Variants in CHI3L2 observed in about 807,000 individuals in gnomAD.
CHI3L2 encodes the protein chitinase 3 like 2, also known as chitinase-3-like protein 2.
CHI3L2 carries 47 observed loss-of-function variants against 47.3 expected under a neutral mutation model. The observed-to-expected ratio is 0.99, with a 90% CI of 0.79 to 1.27. The LOEUF (loss-of-function observed/expected upper bound fraction) is 1.27. Among genes scored for constraint, CHI3L2 ranks in the 50% most tolerant of loss-of-function variants. The pLI, the probability that CHI3L2 is intolerant of heterozygous loss-of-function variation, is 0.00. For missense variants in CHI3L2, 497 were observed against 462.1 expected, an observed-to-expected ratio of 1.08 and a Z score of -0.69; for synonymous variants, 198 against 169.9, an observed-to-expected ratio of 1.17 and a Z score of -1.28.
intron 1 of CHI3L2, among the ~76,000 whole-genome samples, chr1:111,228,883 G>T (rs968286771): frequency 3.3e-5 from 5 of 152,176 alleles, no homozygotes; most frequent in Admixed American, 6.5e-5. Context: ...CCTTTAGGAG[G>T]ATGTGTTAAG....
chr1:111,227,700 T>C (rs1465402802), upstream of CHI3L2: 4 of 1,612,868 alleles, frequency 2.5e-6, no homozygotes, highest in Non-Finnish European at 3.4e-6. Flanking sequence ...ACCTAGAGAA[T>C]GTGTATCCCA....
rs1049884526 is a variant in CHI3L2, at chr1:111,234,965, C to G, written c.388C>G (p.Leu130Val). 5.0e-6 allele frequency: 8 copies of G among 1,614,118 alleles called. No homozygotes were observed. Among genetic ancestry groups the G allele is most frequent in the Non-Finnish European group, 6.8e-6 (8 of 1,179,986 alleles). ...CTTGGAATTCATTAACTCCATAATC[C>G]TGTTTCTGAGGAACCATAACTTTGA... ...SRLEFINSII[L>V]FLRNHNFDGL... The change falls in exon 5 of 11, where the codon CTG (leucine) becomes GTG (valine). Residue 130 changes from leucine to valine, a missense_variant. Leu to Val is a conservative substitution (Grantham distance 32). Transcript: ENST00000369748.
chr1:111,240,964 C>T (rs139035500), intron 8 of CHI3L2, among the ~76,000 whole-genome samples: 125 of 152,314 alleles, frequency 8.2e-4, no homozygotes, highest in African/African-American at 2.8e-3. Flanking sequence ...TCATTTGATC[C>T]TAACAACAAC....
Position 111,241,377 on chromosome 1 carries a change from G to A in CHI3L2, c.969G>A (p.Gln323=). ...GAKITRLQDQ[Q]VPYAVKGNQW... ...AGATCACGCGGCTCCAGGATCAGCA[G>A]GTTCCCTACGCAGTCAAGGGGAACC... is the stretch of plus-strand genomic sequence containing the variant. The change falls in exon 9 of 11, where the codon CAG becomes CAA. Residue 323 remains glutamine, a synonymous_variant. Transcript: ENST00000369748. The A allele has an allele frequency of 4.3e-6, 7 of 1,610,392 alleles. No homozygotes were observed. The highest frequency in any genetic ancestry group is 5.9e-6 in the Non-Finnish European group (7 of 1,176,518).
intron 4 of CHI3L2, among the ~76,000 whole-genome samples, chr1:111,233,130 C>T (rs562141163): frequency 6.6e-6 from 1 of 152,264 alleles, no homozygotes; most frequent in East Asian, 1.9e-4. Flanking sequence ...TATTGGTGCC[C>T]TTGGTGTGGG....
intron 1 of CHI3L2, among the ~76,000 whole-genome samples, chr1:111,228,487 C>T (rs529446818): frequency 1.6e-4 from 24 of 152,350 alleles, no homozygotes; most frequent in African/African-American, 5.3e-4. Flanking sequence ...TGACCCTTGA[C>T]AGGGTAGAGC....
chr1:111,233,272 G>C (rs887733938), intron 4 of CHI3L2, among the ~76,000 whole-genome samples: 3 of 152,122 alleles, frequency 2.0e-5, no homozygotes, highest in Non-Finnish European at 4.4e-5. Context: ...TTGTGGCCGG[G>C]ATGCTTGTTT....
intron 4 of CHI3L2, among the ~76,000 whole-genome samples, chr1:111,234,188 T>TAA (rs553835455): frequency 0.15 from 11,704 of 77,692 alleles, 738 homozygotes; most frequent in East Asian, 0.42. Flanking sequence ...GAATGATCAA[T>TAA]AAAAAAAAAA....
intron 6 of CHI3L2, 76 bp downstream of exon 6, chr1:111,235,839 CG>C (rs1659869684): frequency 6.3e-7 from 1 of 1,581,566 alleles, no homozygotes; most frequent in Non-Finnish European, 8.6e-7. Flanking sequence ...GCATGTTTGA[CG>C]GATGAGGGGA....
chr1:111,229,135 T>TGG (rs1260304192), intron 1 of CHI3L2, among the ~76,000 whole-genome samples: 1 of 152,184 alleles, frequency 6.6e-6, no homozygotes, highest in Non-Finnish European at 1.5e-5. Context: ...AGGGTCTCAT[T>TGG]GGACAATAAA....
intron 4 of CHI3L2, chr1:111,231,546 T>C: frequency 2.7e-6 from 1 of 367,526 alleles, no homozygotes; most frequent in South Asian, 8.1e-5. Flanking sequence ...CCATGAACAA[T>C]ATTCAGAAAA....
At position 111,229,862 on chromosome 1, in the gene CHI3L2, C is replaced by A; in HGVS notation, c.51C>A (p.Val17=). 6.2e-7 allele frequency: 1 copy of A among 1,613,836 alleles called. No individual in the cohort carries two copies. The highest frequency in any genetic ancestry group is 8.5e-7 in the Non-Finnish European group (1 of 1,179,892). The change falls in exon 2 of 11, where the codon GTC becomes GTA. Residue 17 remains valine (V), a synonymous_variant. Transcript: ENST00000369748. ...DQKSLWAGVV[V]LLLLQGGSAY... is the part of the protein sequence containing the mutation. ...ACCCATCTATTGCAGGTGTAGTGGT[C>A]TTGCTGCTTCTCCAGGGAGGTAAGT...
chr1:111,239,433 A>G (rs190473114), intron 8 of CHI3L2: 1 of 152,736 alleles, frequency 6.5e-6, no homozygotes, highest in Admixed American at 6.5e-5. Context: ...ATTCAAAACT[A>G]TCAGCATAAA....
chr1:111,227,768 A>C lies in CHI3L2; in HGVS notation c.39A>C (p.Ala13=), dbSNP rs764064300. The change falls in exon 1 of 11, where the codon GCA becomes GCC. Residue 13 remains alanine, a splice_region_variant and synonymous_variant. Transcript: ENST00000369748. The part of the protein sequence containing the change: ...ATTMDQKSLW[A]GVVVLLLLQG... ...CCATGGACCAGAAGTCTCTCTGGGC[A>C]GGTGAGCATGGGGTTGATAATTCAG... The C allele has an allele frequency of 6.2e-7, 1 of 1,614,152 alleles. No homozygotes were observed. Among genetic ancestry groups the C allele is most frequent in the South Asian group, 1.1e-5 (1 of 91,080 alleles).
rs761452430 is a variant in CHI3L2, at chr1:111,242,185, C to T, written c.1036-42C>T. The T allele has an allele frequency of 1.9e-6, 3 of 1,613,180 alleles. No homozygotes were observed. The Admixed American group carries it at 5.0e-5, about 27-fold the overall frequency. On this transcript the variant is annotated intron_variant, in intron 9 of 10. Transcript: ENST00000369748. ...TGATATGGTCCTGGGCATTTAGGGGCCACCCTTCGAATCTCTGTGTATCCT... is the reference window on the plus strand; with the variant it reads ...TGATATGGTCCTGGGCATTTAGGGGTCACCCTTCGAATCTCTGTGTATCCT...
At chr1:111,231,012 C>T in intron 3 of CHI3L2, 69 bp downstream of exon 3, 1 of 1,187,468 alleles carries the variant, frequency 8.4e-7, no homozygotes. Flanking sequence ...TAAGCTGACA[C>T]TAAGACATAC....
chr1:111,229,741 A>AAG, intron 1 of CHI3L2, 111 bp from the exon 2 acceptor site: 1 of 1,456,210 alleles, frequency 6.9e-7, no homozygotes. Flanking sequence ...AGCCCAGATG[A>AAG]AGTGTGGCTC....
chr1:111,231,089 C>G (rs1659704743), intron 3 of CHI3L2, 146 bp downstream of exon 3: 1 of 949,250 alleles, frequency 1.1e-6, no homozygotes, highest in Non-Finnish European at 1.7e-6. Context: ...CTGTTCTCAC[C>G]AGTGCTTCAT....
At chr1:111,234,733 C>T (rs1476029033) in intron 4 of CHI3L2, among the ~76,000 whole-genome samples, 174 bp from the exon 5 acceptor site, 6 of 152,166 alleles carry the variant, frequency 3.9e-5, no homozygotes, top group Non-Finnish European at 5.9e-5. Context: ...ATCAATGTTC[C>T]GGCCCAACAA....
Sources: allele counts gnomAD v4.1 joint callset (sites outside exome capture counted in the v4.1 genomes callset), GRCh38; gene constraint gnomAD v4.1.1; transcripts MANE v1.5; gene names NCBI Gene and HGNC (gene_info 2026-07-23, HGNC 2026-07-21).